The following NEMP1 variants were observed in gnomAD, a reference collection of about 807,000 sequenced individuals.
The protein encoded by NEMP1 is transmembrane protein 194.
In NEMP1, 29 loss-of-function variants were observed where a neutral mutation model predicts 53.7. The observed-to-expected ratio is 0.54, with a 90% CI of 0.40 to 0.74. The LOEUF (loss-of-function observed/expected upper bound fraction) is 0.74, where lower values mean the gene tolerates loss of function less well. Among genes scored for constraint, NEMP1 ranks in the 30% least tolerant of loss-of-function variants. NEMP1 has a pLI of 0.00. For missense variants in NEMP1, 477 were observed against 528.6 expected, an observed-to-expected ratio of 0.90 and a Z score of 0.96; for synonymous variants, 193 against 192.9, an observed-to-expected ratio of 1.00 and a Z score of 0.00.
chr12:57,063,116 C>T lies in NEMP1; in HGVS notation c.980+3G>A, dbSNP rs1203581843. 1 of 1,607,428 alleles carries T rather than the reference C, an allele frequency of 6.2e-7. No individual in the cohort carries two copies. The highest frequency in any genetic ancestry group is 8.5e-7 in the Non-Finnish European group (1 of 1,174,046). On this transcript the variant is annotated splice_donor_region_variant and intron_variant, in intron 7 of 8. Transcript: ENST00000300128. ...ATATTAAGTTACATTGCCTTTCAGT[C>T]ACCTGCAGGTGATGTACAGCCACTG... is the stretch of plus-strand genomic sequence containing the variant.
At chr12:57,075,388 A>AATAT (rs1304299502) in intron 1 of NEMP1, among the ~76,000 whole-genome samples, 2 of 122,366 alleles carry the variant, frequency 1.6e-5, no homozygotes, top group Admixed American at 9.2e-5. Flanking sequence ...ACTCCATTTC[A>AATAT]ATATAAATAA....
chr12:57,063,755 T>A (rs11834761), intron 6 of NEMP1, among the ~76,000 whole-genome samples: 39 of 152,290 alleles, frequency 2.6e-4, no homozygotes, highest in African/African-American at 9.1e-4. Flanking sequence ...TTACTTAAGG[T>A]CCCCAAGTAT....
At position 57,060,764 on chromosome 12, in the gene NEMP1, G is replaced by A. The variant is rs192028165; in HGVS notation, c.1154+8C>T. On this transcript the variant is annotated splice_region_variant and intron_variant, in intron 8 of 8. Coordinates refer to ENST00000300128, the MANE Select transcript of NEMP1 (RefSeq NM_001130963.2). ...TGATAGATGCTTGGTATATCTGGCC[G>A]AGTTTACCTTTTTGGAGACTGGATT... 50 of 1,609,594 alleles carry A rather than the reference G, an allele frequency of 3.1e-5. No individual in the cohort carries two copies. Among genetic ancestry groups the A allele is most frequent in the South Asian group, 6.6e-5 (6 of 90,236 alleles).
upstream of NEMP1, among the ~76,000 whole-genome samples, chr12:57,083,662 A>G (rs1482230363): frequency 1.3e-5 from 2 of 152,284 alleles, no homozygotes; most frequent in East Asian, 3.8e-4. Context: ...GTGGTAAGTG[A>G]AAGATGGAAA....
At position 57,056,051 on chromosome 12, in the gene NEMP1, T is replaced by C. The variant is rs1565652487; in HGVS notation, c.*3828A>G. On this transcript the variant is annotated 3_prime_UTR_variant, in exon 9 of 9. Coordinates refer to ENST00000300128, the MANE Select transcript of NEMP1 (RefSeq NM_001130963.2). Reference sequence around the variant, plus strand: ...ACCATTTTCAAATTATCATCAAGAGTGTGAAAGAGGAAGATGACACACACG... The same window carrying C: ...ACCATTTTCAAATTATCATCAAGAGCGTGAAAGAGGAAGATGACACACACG... 1.3e-5 allele frequency: 2 copies of C among 152,080 alleles called. No homozygotes were observed. The highest frequency in any genetic ancestry group is 2.9e-5 in the Non-Finnish European group (2 of 68,020). The allele number at this position is 152,080 out of a possible 1,614,324, so 9.4% of individuals were successfully genotyped here.
At chr12:57,064,857 A>G in intron 4 of NEMP1, 118 bp from the exon 5 acceptor site, 1 of 680,750 alleles carries the variant, frequency 1.5e-6, no homozygotes, top group Non-Finnish European at 2.4e-6. Context: ...AGAGCAGTAC[A>G]AGCATCAGAG....
chr12:57,075,660 C>CA (rs780744570), intron 1 of NEMP1, among the ~76,000 whole-genome samples: 1,748 of 116,490 alleles, frequency 0.015, 20 homozygotes, highest in Non-Finnish European at 0.022. Context: ...CCCATCTCTA[C>CA]AAAAAAAAAA....
chr12:57,086,538 CA>C (rs1324917878), intron 1 of NEMP1, among the ~76,000 whole-genome samples: 94 of 147,310 alleles, frequency 6.4e-4, no homozygotes, highest in African/African-American at 2.1e-3. Context: ...CCCCCCCCCC[CA>C]CACACACACC....
At chr12:57,081,800 A>G (rs1360936896), upstream of NEMP1, among the ~76,000 whole-genome samples, 4 of 151,626 alleles carry the variant, frequency 2.6e-5, no homozygotes, top group South Asian at 4.2e-4. Flanking sequence ...CCAGCTACTC[A>G]GGAGGCTGAG....
chr12:57,063,410 A>C, intron 6 of NEMP1, 66 bp from the exon 7 acceptor site: 1 of 1,349,814 alleles, frequency 7.4e-7, no homozygotes, highest in Non-Finnish European at 1.0e-6. Context: ...TTTGTGTGGG[A>C]AGCAGTAGTT....
chr12:57,065,874 C>T (rs2032048554), intron 4 of NEMP1, among the ~76,000 whole-genome samples: 1 of 152,096 alleles, frequency 6.6e-6, no homozygotes, highest in Non-Finnish European at 1.5e-5. Context: ...TAGCTGTAAA[C>T]TTTTCTTCTG....
At chr12:57,077,129 A>G (rs916840603) in intron 1 of NEMP1, among the ~76,000 whole-genome samples, 1 of 151,820 alleles carries the variant, frequency 6.6e-6, no homozygotes, top group Admixed American at 6.6e-5. Flanking sequence ...TCAGGAGATC[A>G]AGACCATCCT....
chr12:57,076,069 C>T (rs1415498668), intron 1 of NEMP1, among the ~76,000 whole-genome samples: 1 of 152,054 alleles, frequency 6.6e-6, no homozygotes, highest in Non-Finnish European at 1.5e-5. Context: ...GCCTGGGCAA[C>T]AGAGCAAGAC....
intron 4 of NEMP1, among the ~76,000 whole-genome samples, chr12:57,067,192 C>T (rs2032126980): frequency 6.6e-6 from 1 of 151,984 alleles, no homozygotes; most frequent in Non-Finnish European, 1.5e-5. Flanking sequence ...CACGTGGTGG[C>T]AGGTGCCTGT....
rs965786260 is a variant in NEMP1, at chr12:57,059,348, A to G, written c.*531T>C. The G allele has an allele frequency of 3.3e-5, 5 of 152,324 alleles. No individual in the cohort carries two copies. Among genetic ancestry groups the G allele is most frequent in the African/African-American group, 1.2e-4 (5 of 41,462 alleles). 9.4% of individuals were successfully genotyped at this position (152,324 alleles called of 1,614,324 possible). Reference sequence around the variant, plus strand: ...TTGTTATGTTTTTTAAAAGACATTCATTTAAAAAACAAAACAATAAAAATC... The same window carrying G: ...TTGTTATGTTTTTTAAAAGACATTCGTTTAAAAAACAAAACAATAAAAATC... On this transcript the variant is annotated 3_prime_UTR_variant, in exon 9 of 9. Coordinates refer to ENST00000300128, the MANE Select transcript of NEMP1 (RefSeq NM_001130963.2).
At chr12:57,061,702 A>C (rs549632869) in intron 7 of NEMP1, among the ~76,000 whole-genome samples, 4 of 144,756 alleles carry the variant, frequency 2.8e-5, no homozygotes, top group Admixed American at 7.0e-5. Context: ...TCAAAAAAAA[A>C]AAAAAACAAA....
At chr12:57,076,632 C>T (rs989244001) in intron 1 of NEMP1, among the ~76,000 whole-genome samples, 3 of 149,764 alleles carry the variant, frequency 2.0e-5, no homozygotes, top group Non-Finnish European at 3.0e-5. Context: ...CTGGTGAAAC[C>T]CCGTCTGTAC....
At chr12:57,077,811 G>A (rs949647618) in intron 1 of NEMP1, among the ~76,000 whole-genome samples, 1 of 152,132 alleles carries the variant, frequency 6.6e-6, no homozygotes, top group African/African-American at 2.4e-5. Context: ...GGCCGGTCAC[G>A]GTGGCTCACA....
At chr12:57,084,910 C>T (rs115093404) in intron 1 of NEMP1, among the ~76,000 whole-genome samples, 204 of 152,162 alleles carry the variant, frequency 1.3e-3, no homozygotes, top group African/African-American at 4.3e-3. Context: ...GTGCATTCTA[C>T]AAAAGTAGTG....
Sources: allele counts gnomAD v4.1 joint callset (sites outside exome capture counted in the v4.1 genomes callset), GRCh38; gene constraint gnomAD v4.1.1; transcripts MANE v1.5; gene names NCBI Gene and HGNC (gene_info 2026-07-23, HGNC 2026-07-21).